Variants in CSGALNACT1 observed in about 807,000 individuals in gnomAD.
The protein encoded by CSGALNACT1 is beta4GalNAcT-1.
CSGALNACT1 carries 52 observed loss-of-function variants against 51.0 expected under a neutral mutation model. The observed-to-expected ratio is 1.02, with a 90% confidence interval of 0.82 to 1.29. CSGALNACT1 has a LOEUF of 1.29. Ranked by LOEUF, CSGALNACT1 falls within the 50% of genes most tolerant of loss-of-function variation. The pLI, the probability that CSGALNACT1 is intolerant of heterozygous loss-of-function variation, is 0.00. For synonymous variants in CSGALNACT1, 341 were observed against 254.4 expected (o/e 1.34, Z -3.24); for missense variants, 935 against 679.2 (o/e 1.38, Z -4.19).
At chr8:19,407,913 G>GCA (rs1563251382) in intron 9 of CSGALNACT1, among the ~76,000 whole-genome samples, 37 of 58,890 alleles carry the variant, frequency 6.3e-4, no homozygotes, top group East Asian at 5.3e-3. Context: ...AATTGTGTGT[G>GCA]TGTGTGTGTG....
At chr8:19,638,354 T>C (rs997793071) in intron 1 of CSGALNACT1, among the ~76,000 whole-genome samples, 4 of 152,268 alleles carry the variant, frequency 2.6e-5, no homozygotes, top group Non-Finnish European at 5.9e-5. Flanking sequence ...AGAAAAGCAC[T>C]GCCCCAAGTG....
chr8:19,727,973 T>C (rs566392297), intron 1 of CSGALNACT1, among the ~76,000 whole-genome samples: 2 of 152,264 alleles, frequency 1.3e-5, no homozygotes, highest in African/African-American at 2.4e-5. Flanking sequence ...CTTATCTTAA[T>C]AGAGCAGCAA....
In CSGALNACT1 at chr8:19,666,092, A is replaced by C. The variant is rs531526548; in HGVS notation, c.-544+16381T>G. ...CAAGTTGTTTGTCTAGTTTAAATCCAGGCAGACTTCAAGATTTTTCCCTTT... is the reference window on the plus strand; with the variant it reads ...CAAGTTGTTTGTCTAGTTTAAATCCCGGCAGACTTCAAGATTTTTCCCTTT... On this transcript the variant is annotated intron_variant, in intron 1 of 9. Transcript: ENST00000332246. 3.9e-5 allele frequency among the ~76,000 whole-genome samples: 6 copies of C among 152,352 alleles called. No homozygotes were observed. In the South Asian group the frequency reaches 1.2e-3, roughly 32 times the overall value.
intron 3 of CSGALNACT1, among the ~76,000 whole-genome samples, chr8:19,541,051 T>C (rs776324264): frequency 3.9e-5 from 6 of 152,042 alleles, no homozygotes; most frequent in Non-Finnish European, 7.4e-5. Flanking sequence ...ATGATGCATG[T>C]GGCAAAATTA....
chr8:19,443,103 T>C (rs1215200271), intron 5 of CSGALNACT1, among the ~76,000 whole-genome samples: 1 of 152,200 alleles, frequency 6.6e-6, no homozygotes, highest in African/African-American at 2.4e-5. Flanking sequence ...CCTCTAGCTC[T>C]GGCCTGGTCC....
At chr8:19,613,990 G>A (rs959127126) in intron 1 of CSGALNACT1, among the ~76,000 whole-genome samples, 1 of 152,128 alleles carries the variant, frequency 6.6e-6, no homozygotes, top group East Asian at 1.9e-4. Flanking sequence ...CAGTTTCTAC[G>A]ATCAAGTGAC....
At chr8:19,680,798 TA>T (rs2154208543) in intron 1 of CSGALNACT1, among the ~76,000 whole-genome samples, 1 of 152,238 alleles carries the variant, frequency 6.6e-6, no homozygotes, top group East Asian at 1.9e-4. Flanking sequence ...ATTAGGTTTT[TA>T]TTTATGTATA....
intron 3 of CSGALNACT1, among the ~76,000 whole-genome samples, chr8:19,539,083 A>G (rs145703819): frequency 5.6e-4 from 86 of 152,308 alleles, no homozygotes; most frequent in African/African-American, 1.9e-3. Context: ...TTTAGTGTAT[A>G]TATTTAACAT....
intron 1 of CSGALNACT1, among the ~76,000 whole-genome samples, chr8:19,711,445 G>A (rs2154232366): frequency 6.6e-6 from 1 of 152,296 alleles, no homozygotes; most frequent in South Asian, 2.1e-4. Flanking sequence ...CAAACCCTGT[G>A]TGCCAAGTAG....
intron 3 of CSGALNACT1, among the ~76,000 whole-genome samples, chr8:19,511,387 C>A (rs2078439766): frequency 1.3e-5 from 2 of 152,178 alleles, no homozygotes; most frequent in African/African-American, 4.8e-5. Context: ...ACAAACTAAC[C>A]TTCAATCAAA....
chr8:19,459,397 A>AC (rs1199594835), intron 4 of CSGALNACT1, among the ~76,000 whole-genome samples: 1 of 139,994 alleles, frequency 7.1e-6, no homozygotes, highest in Non-Finnish European at 1.6e-5. Flanking sequence ...AAAAAAAAAA[A>AC]AAAAAAAAAA....
intron 5 of CSGALNACT1, among the ~76,000 whole-genome samples, chr8:19,456,250 G>C (rs1386363197): frequency 1.3e-5 from 2 of 152,122 alleles, no homozygotes; most frequent in East Asian, 3.8e-4. Flanking sequence ...TGCTATTTCA[G>C]GCCCAGGAGT....
chr8:19,732,663 G>C (rs1008492781), intron 1 of CSGALNACT1: 3 of 152,192 alleles, frequency 2.0e-5, no homozygotes, highest in Non-Finnish European at 4.4e-5. Context: ...AGAGAAGTGA[G>C]AAGTATCCAC....
upstream of CSGALNACT1, among the ~76,000 whole-genome samples, chr8:19,607,210 G>T (rs536371269): frequency 7.3e-5 from 11 of 151,528 alleles, no homozygotes; most frequent in Non-Finnish European, 1.5e-4. Context: ...GCGTGGTCTG[G>T]AGTTGAACTG....
At chr8:19,653,118 A>T (rs888715477) in intron 1 of CSGALNACT1, among the ~76,000 whole-genome samples, 1 of 152,130 alleles carries the variant, frequency 6.6e-6, no homozygotes, top group African/African-American at 2.4e-5. Flanking sequence ...CCCCTCCTAG[A>T]ATCACTGTCT....
At chr8:19,411,399 C>A (rs139945779) in intron 8 of CSGALNACT1, among the ~76,000 whole-genome samples, 1 of 152,176 alleles carries the variant, frequency 6.6e-6, no homozygotes, top group Non-Finnish European at 1.5e-5. Flanking sequence ...TCTCCAGCAC[C>A]CAGAACATTG....
intron 1 of CSGALNACT1, among the ~76,000 whole-genome samples, chr8:19,632,550 G>A (rs747306624): frequency 3.9e-5 from 6 of 152,152 alleles, no homozygotes; most frequent in Non-Finnish European, 5.9e-5. Context: ...CATTTTGGAC[G>A]GTAAGTTTAA....
rs2078912965 is a variant in CSGALNACT1, at chr8:19,513,555, A to T, written c.-296-7425T>A. 2.0e-5 allele frequency among the ~76,000 whole-genome samples: 3 copies of T among 151,416 alleles called. No individual in the cohort carries two copies. In the South Asian group the frequency reaches 6.3e-4, roughly 32 times the overall value. On this transcript the variant is annotated intron_variant, in intron 3 of 9. Coordinates refer to ENST00000454498, the Ensembl canonical transcript of CSGALNACT1. ...CCACAATAATCTATCTCTTATACAC[A>T]CTTAATTAGTTTAGGGCTGAGGCAC...
intron 1 of CSGALNACT1, among the ~76,000 whole-genome samples, chr8:19,716,793 A>T (rs1302988678): frequency 6.7e-6 from 1 of 150,306 alleles, no homozygotes; most frequent in Non-Finnish European, 1.5e-5. Flanking sequence ...CTTTTTCTCA[A>T]AAAAAAAAAA....
Sources: allele counts gnomAD v4.1 joint callset (sites outside exome capture counted in the v4.1 genomes callset), GRCh38; gene constraint gnomAD v4.1.1; transcripts MANE v1.5; gene names NCBI Gene and HGNC (gene_info 2026-07-23, HGNC 2026-07-21).